MAGI3: variants seen among roughly 807,000 people sequenced by gnomAD.
MAGI3 encodes membrane associated guanylate kinase, WW and PDZ domain containing 3.
MAGI3 carries 43 observed loss-of-function variants against 121.8 expected under a neutral mutation model. The observed-to-expected ratio is 0.35, with a 90% confidence interval of 0.28 to 0.46. The LOEUF (loss-of-function observed/expected upper bound fraction) is 0.46. Ranked by LOEUF, MAGI3 falls within the 20% of genes least tolerant of loss-of-function variation. The pLI is 1.00. For synonymous variants in MAGI3, 553 were observed against 639.3 expected, an observed-to-expected ratio of 0.86 and a Z score of 2.04; for missense variants, 1,547 against 1,797.3, an observed-to-expected ratio of 0.86 and a Z score of 2.52.
chr1:113,564,332 A>G (rs1012704973), intron 2 of MAGI3, among the ~76,000 whole-genome samples: 5 of 152,198 alleles, frequency 3.3e-5, no homozygotes, highest in African/African-American at 1.2e-4. Flanking sequence ...GAAATGACAA[A>G]TGAACCCAGT....
intron 1 of MAGI3, among the ~76,000 whole-genome samples, chr1:113,408,468 G>T (rs780834716): frequency 3.9e-5 from 6 of 152,222 alleles, no homozygotes; most frequent in Non-Finnish European, 7.4e-5. Context: ...TATCAGTTAA[G>T]TTGGTATCCA....
In MAGI3 at chr1:113,671,818, A is replaced by G. The variant is rs752783991; in HGVS notation, c.2900A>G (p.Asn967Ser). Residue 967 changes from asparagine (N) to serine (S), a missense_variant, in exon 17 of 21, where the codon AAC becomes AGC. Transcript: ENST00000307546. ...AGGCCCATGGGACAGTCACAGGCCAACCACATACCTGGGGACAGGTGGGGC... is the reference window on the plus strand; with the variant it reads ...AGGCCCATGGGACAGTCACAGGCCAGCCACATACCTGGGGACAGGTGGGGC... ...QHRPMGQSQA[N>S]HIPGDRSALE... The G allele has an allele frequency of 2.4e-5, 39 of 1,614,078 alleles. No homozygotes were observed. Among genetic ancestry groups the G allele is most frequent in the Non-Finnish European group, 3.1e-5 (37 of 1,180,014 alleles).
chr1:113,394,623 T>C lies in MAGI3; in HGVS notation c.316+3274T>C, dbSNP rs1650995412. Among the ~76,000 whole-genome samples the C allele has an allele frequency of 2.6e-5, 4 of 152,186 alleles. No individual in the cohort carries two copies. In the South Asian group the frequency reaches 8.3e-4, roughly 31 times the overall value. On this transcript the variant is annotated intron_variant, in intron 1 of 20. Transcript: ENST00000307546. ...TGTTCTGAAATTCCCCAGACTCTAA[T>C]TGTGCAGAGTTTTATGCTTCTTCAT...
At chr1:113,587,439 G>A (rs1013086123) in intron 4 of MAGI3, among the ~76,000 whole-genome samples, 3 of 152,106 alleles carry the variant, frequency 2.0e-5, no homozygotes, top group Non-Finnish European at 2.9e-5. Context: ...CTGGTGATCC[G>A]CCTGCCTTGA....
In MAGI3 at chr1:113,590,574, A is replaced by G. The variant is rs975041594; in HGVS notation, c.854A>G (p.Tyr285Cys). ...AATAGCTCCATGGACTTTAGAAATT[A>G]TATGATGAGAGATGAGACTCTGGAA... ...QTNSSMDFRN[Y>C]MMRDETLEPL... Residue 285 changes from tyrosine (Y) to cysteine (C), a missense_variant, in exon 5 of 21, where the codon TAT becomes TGT. Physicochemically the swap from Tyr to Cys is radical, Grantham distance 194. Transcript: ENST00000307546. The G allele has an allele frequency of 6.2e-7, 1 of 1,613,808 alleles. No individual in the cohort carries two copies. Among genetic ancestry groups the G allele is most frequent in the East Asian group, 2.2e-5 (1 of 44,860 alleles).
chr1:113,652,971 A>C (rs1248156657), intron 14 of MAGI3, among the ~76,000 whole-genome samples: 1 of 152,188 alleles, frequency 6.6e-6, no homozygotes, highest in African/African-American at 2.4e-5. Context: ...TGTCCCAGCA[A>C]GTTGAGGGGT....
chr1:113,629,891 T>C (rs1323675491), intron 9 of MAGI3, among the ~76,000 whole-genome samples: 1 of 150,764 alleles, frequency 6.6e-6, no homozygotes, highest in Non-Finnish European at 1.5e-5. Context: ...CTGCGCTGGG[T>C]GAGACATGAA....
chr1:113,509,384 A>G (rs1657503965), intron 1 of MAGI3, among the ~76,000 whole-genome samples: 1 of 148,924 alleles, frequency 6.7e-6, no homozygotes, highest in Admixed American at 6.7e-5. Flanking sequence ...CTTTTTCCCA[A>G]ATGGCTGTTG....
rs1216855747 is a variant in MAGI3, at chr1:113,432,795, CCTGTAA to C, written c.316+41448_316+41453del. ...TACTGATAATAAGACAGAATTGTAC[CCTGTAA>C]CCATAAATATGTAGAATTTCTACCA... On this transcript the variant is annotated intron_variant, in intron 1 of 20. Coordinates refer to ENST00000307546, the MANE Select transcript of MAGI3 (RefSeq NM_001142782.2). Among the ~76,000 whole-genome samples the C allele has an allele frequency of 2.0e-5, 3 of 151,748 alleles. No individual in the cohort carries two copies. In the South Asian group the frequency reaches 6.3e-4, roughly 32 times the overall value.
intron 2 of MAGI3, among the ~76,000 whole-genome samples, chr1:113,552,816 C>T (rs1376148465): frequency 6.6e-6 from 1 of 152,178 alleles, no homozygotes; most frequent in African/African-American, 2.4e-5. Flanking sequence ...AATGACACAT[C>T]AGTAGCAGGT....
chr1:113,432,417 A>G (rs1167557510), intron 1 of MAGI3, among the ~76,000 whole-genome samples: 1 of 152,198 alleles, frequency 6.6e-6, no homozygotes, highest in Non-Finnish European at 1.5e-5. Context: ...TCCAGTGTCT[A>G]TGCTTTTAAC....
chr1:113,471,163 G>T (rs1466008079), intron 1 of MAGI3, among the ~76,000 whole-genome samples: 1 of 152,162 alleles, frequency 6.6e-6, no homozygotes, highest in Non-Finnish European at 1.5e-5. Flanking sequence ...CCAGCTGACA[G>T]CAGAAAATAC....
intron 1 of MAGI3, among the ~76,000 whole-genome samples, chr1:113,545,464 T>A (rs1339295184): frequency 6.6e-6 from 1 of 152,256 alleles, no homozygotes; most frequent in Non-Finnish European, 1.5e-5. Flanking sequence ...TGAAATTAGA[T>A]TGTAATTAGA....
chr1:113,633,423 G>A (rs1473099144), intron 9 of MAGI3, among the ~76,000 whole-genome samples: 10 of 150,368 alleles, frequency 6.7e-5, no homozygotes, highest in Non-Finnish European at 1.2e-4. Context: ...CACTACGCCC[G>A]GCTAATTTTT....
intron 1 of MAGI3, among the ~76,000 whole-genome samples, chr1:113,487,438 A>T (rs1055902391): frequency 2.6e-5 from 4 of 151,556 alleles, no homozygotes; most frequent in African/African-American, 7.3e-5. Context: ...GAAGTTGCAA[A>T]TTTTTTTTTG....
In MAGI3 at chr1:113,391,060, G is replaced by A. The variant is rs373385813; in HGVS notation, c.27G>A (p.Lys9=). Residue 9 remains lysine (K), a synonymous_variant, in exon 1 of 21, where the codon AAG becomes AAA. Coordinates refer to ENST00000307546, the MANE Select transcript of MAGI3 (RefSeq NM_001142782.2). The surrounding 1 kb of genome is among the most constrained non-coding windows in gnomAD (Gnocchi z 4.4). ...TGTCGAAGACGCTGAAGAAGAAGAA[G>A]CACTGGCTCAGCAAGGTGCAGGAGT... is the stretch of plus-strand genomic sequence containing the variant. MSKTLKKK[K]HWLSKVQECA... is the part of the protein sequence containing the mutation. 40 of 1,591,504 alleles carry A rather than the reference G, an allele frequency of 2.5e-5. No individual in the cohort carries two copies. Among genetic ancestry groups the A allele is most frequent in the African/African-American group, 5.4e-5 (4 of 74,134 alleles).
intron 2 of MAGI3, among the ~76,000 whole-genome samples, chr1:113,557,466 G>A (rs118036413): frequency 9.2e-5 from 14 of 152,012 alleles, no homozygotes; most frequent in African/African-American, 2.9e-4. Flanking sequence ...TTCTTTAAGC[G>A]GGACTCTGAT....
intron 1 of MAGI3, among the ~76,000 whole-genome samples, chr1:113,407,692 C>G (rs887790743): frequency 6.6e-6 from 1 of 151,850 alleles, no homozygotes; most frequent in Non-Finnish European, 1.5e-5. Context: ...AAAATATGCT[C>G]AAGGTCGTAT....
chr1:113,562,408 A>T (rs1463681909), intron 2 of MAGI3, among the ~76,000 whole-genome samples: 3 of 152,240 alleles, frequency 2.0e-5, no homozygotes, highest in Admixed American at 6.5e-5. Flanking sequence ...CTCAAAAAAA[A>T]AGAAATCAGA....
Sources: allele counts gnomAD v4.1 joint callset (sites outside exome capture counted in the v4.1 genomes callset), GRCh38; gene constraint gnomAD v4.1.1; non-coding constraint Gnocchi (gnomAD v3.1); transcripts MANE v1.5; gene names NCBI Gene and HGNC (gene_info 2026-07-23, HGNC 2026-07-21).